SPOCK1: variants seen among roughly 807,000 people sequenced by gnomAD.
The protein encoded by SPOCK1 is SPARC (osteonectin), cwcv and kazal like domains proteoglycan 1, also known as testican-1.
SPOCK1 carries 23 observed loss-of-function variants against 55.3 expected under a neutral mutation model. The observed-to-expected ratio is 0.42, with a 90% CI of 0.30 to 0.59. The LOEUF is 0.59. Ranked by LOEUF, SPOCK1 falls within the 20% of genes least tolerant of loss-of-function variation. The probability of loss-of-function intolerance (pLI) is 0.22; values close to 1 mark genes in which losing one functional copy is unlikely to be tolerated. For synonymous variants in SPOCK1, 226 were observed against 221.0 expected, an observed-to-expected ratio of 1.02 and a Z score of -0.20; for missense variants, 499 against 552.5, an observed-to-expected ratio of 0.90 and a Z score of 0.97.
At chr5:137,401,865 C>G (rs1389768852) in intron 2 of SPOCK1, among the ~76,000 whole-genome samples, 1 of 152,176 alleles carries the variant, frequency 6.6e-6, no homozygotes, top group Non-Finnish European at 1.5e-5. Context: ...AAACTCCCCA[C>G]ACCTTCTCTC....
At chr5:137,383,635 T>C (rs1751527969) in intron 2 of SPOCK1, among the ~76,000 whole-genome samples, 1 of 152,188 alleles carries the variant, frequency 6.6e-6, no homozygotes. Flanking sequence ...AAGAGGGCAG[T>C]GGCACAGGCT....
At chr5:137,378,827 A>T (rs1267007619) in intron 2 of SPOCK1, among the ~76,000 whole-genome samples, 2 of 152,144 alleles carry the variant, frequency 1.3e-5, no homozygotes, top group Non-Finnish European at 2.9e-5. Context: ...GGGCTTGAAG[A>T]AATGTGTCAG....
chr5:137,050,667 A>G (rs1177640323), intron 6 of SPOCK1, among the ~76,000 whole-genome samples: 1 of 152,158 alleles, frequency 6.6e-6, no homozygotes, highest in African/African-American at 2.4e-5. Context: ...ATAAATGACT[A>G]TTTCTTAAAA....
chr5:137,461,047 T>C (rs1430392927), intron 2 of SPOCK1, among the ~76,000 whole-genome samples: 1 of 152,210 alleles, frequency 6.6e-6, no homozygotes, highest in East Asian at 1.9e-4. Flanking sequence ...AATTCTAATA[T>C]ATGTACGTGG....
chr5:137,192,919 T>C (rs918119653), intron 3 of SPOCK1, among the ~76,000 whole-genome samples: 6 of 152,132 alleles, frequency 3.9e-5, no homozygotes, highest in Non-Finnish European at 5.9e-5. Context: ...AAATTCAGAA[T>C]TGTAATTACT....
At chr5:137,378,667 T>C (rs1751385038) in intron 2 of SPOCK1, among the ~76,000 whole-genome samples, 3 of 152,342 alleles carry the variant, frequency 2.0e-5, no homozygotes, top group South Asian at 2.1e-4. Context: ...TCCATGGCCA[T>C]AGGTCAGCAT....
At chr5:137,218,416 C>T (rs1393319715) in intron 3 of SPOCK1, among the ~76,000 whole-genome samples, 3 of 152,322 alleles carry the variant, frequency 2.0e-5, no homozygotes, top group Non-Finnish European at 4.4e-5. Flanking sequence ...TTGGACATTG[C>T]AAGTTATCCA....
At chr5:137,057,163 G>A (rs961625510) in intron 6 of SPOCK1, among the ~76,000 whole-genome samples, 1 of 152,038 alleles carries the variant, frequency 6.6e-6, no homozygotes, top group South Asian at 2.1e-4. Context: ...CTCCTACTGT[G>A]TCAGCAGGTC....
intron 2 of SPOCK1, among the ~76,000 whole-genome samples, chr5:137,281,330 T>C (rs1757162396): frequency 6.6e-6 from 1 of 152,202 alleles, no homozygotes; most frequent in Admixed American, 6.5e-5. Flanking sequence ...GAGAAAAGTA[T>C]CTACATCCCA....
At chr5:137,110,850 T>A (rs1753453477) in intron 5 of SPOCK1, among the ~76,000 whole-genome samples, 1 of 152,150 alleles carries the variant, frequency 6.6e-6, no homozygotes, top group South Asian at 2.1e-4. Flanking sequence ...TGATAACCTG[T>A]TGAATGAACC....
At chr5:137,201,456 T>C (rs1427709208) in intron 3 of SPOCK1, among the ~76,000 whole-genome samples, 1 of 152,226 alleles carries the variant, frequency 6.6e-6, no homozygotes, top group Non-Finnish European at 1.5e-5. Context: ...AAATTAATAA[T>C]GTGCTTCATT....
chr5:137,013,929 C>T (rs1023612194), intron 6 of SPOCK1, among the ~76,000 whole-genome samples: 5 of 151,978 alleles, frequency 3.3e-5, no homozygotes, highest in Admixed American at 6.6e-5. Context: ...ACAGTGGGGG[C>T]GCATCGGGGT....
At chr5:137,140,747 ATTTTTTTTTTTTTT>A (rs11309240) in intron 3 of SPOCK1, 53 bp from the exon 4 acceptor site, 28 of 352,308 alleles carry the variant, frequency 7.9e-5, no homozygotes, top group Non-Finnish European at 1.2e-4. Flanking sequence ...GGGAAATTTA[ATTTTTTTTTTTTTT>A]TTTTTTTTTT....
chr5:137,168,628 C>T (rs1445178563), intron 3 of SPOCK1, among the ~76,000 whole-genome samples: 4 of 152,002 alleles, frequency 2.6e-5, no homozygotes, highest in Admixed American at 6.6e-5. Flanking sequence ...TGATCATCAG[C>T]GAAATGCAAA....
At chr5:137,459,235 A>G (rs2149836897) in intron 2 of SPOCK1, among the ~76,000 whole-genome samples, 1 of 152,330 alleles carries the variant, frequency 6.6e-6, no homozygotes, top group Middle Eastern at 3.4e-3. Context: ...AAGCATCCTC[A>G]AGTCTGAGAC....
intron 3 of SPOCK1, among the ~76,000 whole-genome samples, chr5:137,232,328 AT>A (rs1291137198): frequency 6.6e-6 from 1 of 152,154 alleles, no homozygotes; most frequent in African/African-American, 2.4e-5. Context: ...TAAATTTTAC[AT>A]TTAAGTTCAT....
At chr5:137,117,469 A>G (rs1052542314) in intron 4 of SPOCK1, among the ~76,000 whole-genome samples, 2 of 152,154 alleles carry the variant, frequency 1.3e-5, no homozygotes, top group Non-Finnish European at 1.5e-5. Context: ...TCCTCAATAT[A>G]CTATGTACTC....
intron 2 of SPOCK1, among the ~76,000 whole-genome samples, chr5:137,302,693 T>C (rs950228766): frequency 1.3e-5 from 2 of 152,194 alleles, no homozygotes; most frequent in Non-Finnish European, 2.9e-5. Context: ...TAAACATATA[T>C]ACACATACAT....
intron 6 of SPOCK1, among the ~76,000 whole-genome samples, chr5:137,049,371 C>T (rs1444531892): frequency 7.4e-6 from 1 of 135,608 alleles, no homozygotes; most frequent in African/African-American, 2.8e-5. Flanking sequence ...AACTTCCCTT[C>T]TCGCTTCATT....
Sources: allele counts gnomAD v4.1 joint callset (sites outside exome capture counted in the v4.1 genomes callset), GRCh38; gene constraint gnomAD v4.1.1; transcripts MANE v1.5; gene names NCBI Gene and HGNC (gene_info 2026-07-23, HGNC 2026-07-21).